Variants in MPHOSPH6 observed in about 807,000 individuals in gnomAD.
MPHOSPH6 encodes the protein M-phase phosphoprotein 6.
In MPHOSPH6, 25 loss-of-function variants were observed where a neutral mutation model predicts 21.8. That is an observed-to-expected ratio of 1.15 (90% confidence interval 0.83 to 1.60). The LOEUF (loss-of-function observed/expected upper bound fraction) is 1.60, where lower values mean the gene tolerates loss of function less well. Ranked by LOEUF, MPHOSPH6 falls within the 40% of genes most tolerant of loss-of-function variation. The pLI, the probability that MPHOSPH6 is intolerant of heterozygous loss-of-function variation, is 0.00. For missense variants in MPHOSPH6, 269 were observed against 181.8 expected (o/e 1.48, Z -2.76); for synonymous variants, 84 against 56.5 (o/e 1.49, Z -2.18).
chr16:82,149,170 A>T lies in MPHOSPH6; in HGVS notation c.350+139T>A. 6 of 940,354 alleles carry T rather than the reference A, an allele frequency of 6.4e-6. No homozygotes were observed. The South Asian group carries it at 8.6e-5, about 14-fold the overall frequency. 58.3% of individuals were successfully genotyped at this position (940,354 alleles called of 1,614,324 possible). On this transcript the variant is annotated intron_variant, in intron 4 of 4. Coordinates refer to ENST00000258169, the MANE Select transcript of MPHOSPH6 (RefSeq NM_005792.2). ...GGTCTGTGGCCCCCGTAGGCCATTAAGAGAAGGCCGATCACAGTCATCGTC... is the reference window on the plus strand; with the variant it reads ...GGTCTGTGGCCCCCGTAGGCCATTATGAGAAGGCCGATCACAGTCATCGTC...
chr16:82,167,951 C>A (rs969613300), intron 1 of MPHOSPH6, among the ~76,000 whole-genome samples: 2 of 152,190 alleles, frequency 1.3e-5, no homozygotes, highest in Non-Finnish European at 2.9e-5. Flanking sequence ...CTACTCCATG[C>A]CTTCTCACAG....
chr16:82,163,868 G>T, intron 2 of MPHOSPH6: 1 of 459,084 alleles, frequency 2.2e-6, no homozygotes, highest in South Asian at 3.1e-5. Context: ...ATGTAAAAAA[G>T]GACAAAATAG....
At chr16:82,169,216 C>T (rs894160315) in intron 1 of MPHOSPH6, among the ~76,000 whole-genome samples, 2 of 152,206 alleles carry the variant, frequency 1.3e-5, no homozygotes, top group Admixed American at 6.5e-5. Context: ...ATTCCCTGCA[C>T]GTTGTGACCA....
At position 82,148,465 on chromosome 16, in the gene MPHOSPH6, T is replaced by TA. The variant is rs199866689; in HGVS notation, c.*265dup. 1.5e-3 allele frequency: 481 copies of TA among 320,780 alleles called. 2 individuals carry two copies. The highest frequency in any genetic ancestry group is 9.1e-3 in the African/African-American group (429 of 47,364). 19.9% of individuals were successfully genotyped at this position (320,780 alleles called of 1,614,324 possible). On this transcript the variant is annotated 3_prime_UTR_variant, in exon 5 of 5. Coordinates refer to ENST00000258169, the MANE Select transcript of MPHOSPH6 (RefSeq NM_005792.2). The stretch of plus-strand genomic sequence containing the variant: ...GAACTATATTAAGAGAAACCTGAGG[T>TA]AAAAAAAATCTTTAGGAAGCAGCCC...
At chr16:82,160,224 T>C (rs1906565131) in intron 2 of MPHOSPH6, among the ~76,000 whole-genome samples, 1 of 152,230 alleles carries the variant, frequency 6.6e-6, no homozygotes, top group South Asian at 2.1e-4. Context: ...AAGTGAAATA[T>C]TTCAAAACTT....
At chr16:82,155,639 C>G (rs1276196042) in intron 2 of MPHOSPH6, among the ~76,000 whole-genome samples, 2 of 152,204 alleles carry the variant, frequency 1.3e-5, no homozygotes, top group Non-Finnish European at 2.9e-5. Flanking sequence ...TGCAGTGGCT[C>G]ATGCCTGTAA....
intron 1 of MPHOSPH6, among the ~76,000 whole-genome samples, chr16:82,165,110 A>ATTTT (rs1906723920): frequency 3.8e-5 from 3 of 79,918 alleles, no homozygotes; most frequent in African/African-American, 1.8e-4. Flanking sequence ...CAGGTCCGAT[A>ATTTT]TTTCTTTTTT....
chr16:82,153,075 C>G (rs1407315768), intron 2 of MPHOSPH6, among the ~76,000 whole-genome samples: 1 of 151,890 alleles, frequency 6.6e-6, no homozygotes, highest in Non-Finnish European at 1.5e-5. Flanking sequence ...TGCAATGAGT[C>G]AAGATTGTGC....
At chr16:82,152,628 C>T (rs899596534) in intron 2 of MPHOSPH6, among the ~76,000 whole-genome samples, 1 of 152,152 alleles carries the variant, frequency 6.6e-6, no homozygotes, top group Non-Finnish European at 1.5e-5. Flanking sequence ...GAACCAAAAT[C>T]ATGCTAGAGA....
At chr16:82,160,073 A>T (rs992076453) in intron 2 of MPHOSPH6, among the ~76,000 whole-genome samples, 1 of 152,192 alleles carries the variant, frequency 6.6e-6, no homozygotes, top group Non-Finnish European at 1.5e-5. Flanking sequence ...CTGGATTCAG[A>T]GCAGGACTAC....
intron 2 of MPHOSPH6, among the ~76,000 whole-genome samples, chr16:82,159,846 G>C (rs1396531441): frequency 1.3e-5 from 2 of 152,188 alleles, no homozygotes; most frequent in Admixed American, 1.3e-4. Flanking sequence ...CTCTCCCTGA[G>C]GGAATCTAAA....
intron 2 of MPHOSPH6, among the ~76,000 whole-genome samples, chr16:82,157,443 C>T (rs12447913): frequency 0.12 from 17,912 of 152,174 alleles, 1,300 homozygotes; most frequent in East Asian, 0.29. Context: ...AATTAATCTA[C>T]GGTTTAAGAA....
At chr16:82,149,442 C>A (rs559502193) in intron 3 of MPHOSPH6, 39 bp from the exon 4 acceptor site, 1 of 1,582,544 alleles carries the variant, frequency 6.3e-7, no homozygotes, top group Non-Finnish European at 8.6e-7. Flanking sequence ...GGCTAGAAAA[C>A]GCTTGTGAAA....
rs550603908 is a variant in MPHOSPH6, at chr16:82,151,464, T to C, written c.215A>G (p.Tyr72Cys). ...QSFLLCEDLL[Y>C]GRMSFRGFNP... Reference sequence around the variant, plus strand: ...AAATCCTCTGAATGACATTCTTCCATAGAGAAGATCTTCACATAGTAAGAA... The same window carrying C: ...AAATCCTCTGAATGACATTCTTCCACAGAGAAGATCTTCACATAGTAAGAA... Residue 72 changes from tyrosine to cysteine, a missense_variant, in exon 3 of 5, where the codon TAT (tyrosine) becomes TGT (cysteine). Physicochemically the swap from Tyr to Cys is radical, Grantham distance 194 (BLOSUM62 -2). Coordinates refer to ENST00000258169, the MANE Select transcript of MPHOSPH6 (RefSeq NM_005792.2). The C allele has an allele frequency of 1.3e-4, 207 of 1,607,440 alleles. No homozygotes were observed. The South Asian group carries it at 2.3e-3, about 18-fold the overall frequency.
At position 82,152,778 on chromosome 16, in the gene MPHOSPH6, G is replaced by A. The variant is rs4889476; in HGVS notation, c.165-1264C>T. Among the ~76,000 whole-genome samples, 4 of 152,130 alleles carry A rather than the reference G, an allele frequency of 2.6e-5. No homozygotes were observed. In the East Asian group the frequency reaches 7.7e-4, roughly 29 times the overall value. On this transcript the variant is annotated intron_variant, in intron 2 of 4. Coordinates refer to ENST00000258169, the MANE Select transcript of MPHOSPH6 (RefSeq NM_005792.2). The stretch of plus-strand genomic sequence containing the variant: ...TCTGCTGAGTCACCACCACATGACC[G>A]TAAATCCAAGGTGACATATCTATCT...
intron 2 of MPHOSPH6, among the ~76,000 whole-genome samples, chr16:82,152,206 T>A (rs76997817): frequency 0.14 from 21,387 of 152,160 alleles, 2,205 homozygotes; most frequent in Admixed American, 0.34. Flanking sequence ...TATACACAGA[T>A]TTTTTTCAAA....
chr16:82,164,799 C>G (rs893511420), intron 1 of MPHOSPH6: 4 of 152,262 alleles, frequency 2.6e-5, no homozygotes, highest in African/African-American at 9.6e-5. Context: ...ATCTATAAGT[C>G]TGCTCTTCGT....
At chr16:82,164,742 C>T (rs1436327144) in intron 1 of MPHOSPH6, 2 of 152,464 alleles carry the variant, frequency 1.3e-5, no homozygotes, top group African/African-American at 2.4e-5. Flanking sequence ...AATATGATGA[C>T]TGAAGCACAG....
intron 2 of MPHOSPH6, among the ~76,000 whole-genome samples, chr16:82,157,407 T>A (rs1906461970): frequency 6.6e-6 from 1 of 152,234 alleles, no homozygotes; most frequent in Admixed American, 6.5e-5. Context: ...CACAATTCCT[T>A]TTTTATGAAG....
Sources: gnomAD v4.1 joint callset for allele counts (sites outside exome capture counted in the v4.1 genomes callset) on GRCh38, gnomAD v4.1.1 for gene constraint, MANE v1.5 for transcripts, NCBI Gene and HGNC (gene_info 2026-07-23, HGNC 2026-07-21) for gene names.